NUCB2: variants seen among roughly 807,000 people sequenced by gnomAD.
NUCB2 encodes the protein nucleobindin-2.
NUCB2 carries 48 observed loss-of-function variants against 57.9 expected under a neutral mutation model. The ratio of observed to expected loss-of-function variants is 0.83; its 90% CI spans 0.66 to 1.05. The LOEUF is 1.05. Among genes scored for constraint, NUCB2 ranks in the 50% least tolerant of loss-of-function variants. NUCB2 has a pLI of 0.00. For missense variants in NUCB2, 442 were observed against 476.2 expected (o/e 0.93, Z 0.67); for synonymous variants, 139 against 152.1 (o/e 0.91, Z 0.64).
rs1362783048 is a variant in NUCB2 at position 17,288,552 on chromosome 11, C to CTTTTTTTTTTTTTTTT, written c.-1+5610_-1+5625dup. Among the ~76,000 whole-genome samples, 82 of 101,162 alleles carry CTTTTTTTTTTTTTTTT rather than the reference C, an allele frequency of 8.1e-4. 4 individuals carry two copies. The highest frequency in any genetic ancestry group is 2.0e-3 in the East Asian group (5 of 2,560). 66.4% of individuals were successfully genotyped at this position (101,162 alleles called of 152,430 possible). On this transcript the variant is annotated intron_variant, in intron 2 of 13. Transcript: ENST00000529010. ...TCTTTTTCTTCTTCTTCTTCTTCTT[C>CTTTTTTTTTTTTTTTT]TTTTTTTTTTTTTTTTGAGACAGTC...
Position 17,301,883 on chromosome 11 carries a change from C to T in NUCB2, c.379+13C>T. On this transcript the variant is annotated intron_variant, in intron 5 of 13. Transcript: ENST00000529010. The stretch of plus-strand genomic sequence containing the variant: ...GATTCCCTTCAAGGTAAGTGCTAAA[C>T]AAAAGGTAGGATTTTTTTTTTCTTT... The T allele has an allele frequency of 1.3e-6, 2 of 1,598,292 alleles. No homozygotes were observed. Among genetic ancestry groups the T allele is most frequent in the African/African-American group, 1.4e-5 (1 of 74,072 alleles).
chr11:17,305,323 C>CA (rs751481640), intron 5 of NUCB2, among the ~76,000 whole-genome samples: 10 of 145,592 alleles, frequency 6.9e-5, no homozygotes, highest in South Asian at 2.2e-4. Context: ...GACTGTGTCT[C>CA]AAAAAAAAAG....
Position 17,315,452 on chromosome 11 carries a change from T to C in NUCB2, c.979T>C (p.Phe327Leu), listed in dbSNP as rs755303528. 2 of 1,610,558 alleles carry C rather than the reference T, an allele frequency of 1.2e-6. No homozygotes were observed. Among genetic ancestry groups the C allele is most frequent in the African/African-American group, 2.7e-5 (2 of 74,844 alleles). Reference sequence around the variant, plus strand: ...TTTGAAAGCCACAGAAAAAAAAGAATTCTTGGAGCCAGATAGCTGGGAGGT... The same window carrying C: ...TTTGAAAGCCACAGAAAAAAAAGAACTCTTGGAGCCAGATAGCTGGGAGGT... ...EFLKATEKKEFLEPDSWETLD... is the reference protein window; with the variant it reads ...EFLKATEKKELLEPDSWETLD... Residue 327 changes from phenylalanine to leucine, a missense_variant, in exon 11 of 14, where the codon TTC becomes CTC. By Grantham distance (22) the Phe-to-Leu change is conservative. Coordinates refer to ENST00000529010, the MANE Select transcript of NUCB2 (RefSeq NM_005013.4).
intron 2 of NUCB2, among the ~76,000 whole-genome samples, chr11:17,288,552 CTTT>C (rs1362783048): frequency 1.1e-4 from 11 of 101,182 alleles, no homozygotes; most frequent in African/African-American, 3.5e-4. Flanking sequence ...TCTTCTTCTT[CTTT>C]TTTTTTTTTT....
chr11:17,340,477 T>A (rs1189229989), intron 2 of NUCB2, among the ~76,000 whole-genome samples: 1 of 152,134 alleles, frequency 6.6e-6, no homozygotes, highest in Non-Finnish European at 1.5e-5. Context: ...GTTTTTATGG[T>A]TTTAGGTCTA....
intron 11 of NUCB2, among the ~76,000 whole-genome samples, chr11:17,320,684 T>A (rs1349579969): frequency 1.3e-5 from 2 of 152,128 alleles, no homozygotes; most frequent in African/African-American, 2.4e-5. Context: ...TTTATTGTTA[T>A]TTTTAAGGTG....
intron 11 of NUCB2, among the ~76,000 whole-genome samples, chr11:17,318,412 A>T (rs1489951632): frequency 6.6e-6 from 1 of 152,168 alleles, no homozygotes; most frequent in Admixed American, 6.5e-5. Context: ...ATGGAGGTAT[A>T]TAAACATTTT....
At chr11:17,347,896 CTA>C (rs1952872606) in intron 2 of NUCB2, among the ~76,000 whole-genome samples, 1 of 152,094 alleles carries the variant, frequency 6.6e-6, no homozygotes. Context: ...TGGCTGTTAC[CTA>C]ATGGTGAGAA....
chr11:17,284,074 G>A (rs1469069407), intron 2 of NUCB2, among the ~76,000 whole-genome samples: 3 of 151,890 alleles, frequency 2.0e-5, no homozygotes, highest in Non-Finnish European at 2.9e-5. Context: ...TTTCACCCAC[G>A]CTGGAGTGCA....
At chr11:17,325,624 A>G (rs1950571949) in intron 11 of NUCB2, among the ~76,000 whole-genome samples, 1 of 152,112 alleles carries the variant, frequency 6.6e-6, no homozygotes, top group South Asian at 2.1e-4. Context: ...TTTTTCATCT[A>G]TTCAGATGCT....
intron 5 of NUCB2, among the ~76,000 whole-genome samples, chr11:17,306,208 G>C (rs1947617687): frequency 6.6e-6 from 1 of 152,084 alleles, no homozygotes; most frequent in Non-Finnish European, 1.5e-5. Flanking sequence ...CCATAGGTTG[G>C]TTATCTGGGT....
At chr11:17,298,692 T>A (rs1946233897) in intron 4 of NUCB2, among the ~76,000 whole-genome samples, 1 of 151,656 alleles carries the variant, frequency 6.6e-6, no homozygotes, top group South Asian at 2.1e-4. Flanking sequence ...GTTAGAATTT[T>A]CTCTTTCCTT....
intron 11 of NUCB2, among the ~76,000 whole-genome samples, chr11:17,323,593 T>A (rs1950298550): frequency 6.6e-6 from 1 of 152,208 alleles, no homozygotes; most frequent in African/African-American, 2.4e-5. Context: ...GTCAAATGAG[T>A]TTGGAAGTAT....
chr11:17,288,932 CACACACACACACACACACAT>C lies in NUCB2; in HGVS notation c.-1+5991_-1+6010del, dbSNP rs1489671340. On this transcript the variant is annotated intron_variant, in intron 2 of 13. Transcript: ENST00000529010. ...ACACACACACACACACACACACACACACACACACACACACACACATATATATATATATTTTTTTTTTTTGA... is the reference window on the plus strand; with the variant it reads ...ACACACACACACACACACACACACACATATATATATATTTTTTTTTTTTGA... Among the ~76,000 whole-genome samples the C allele has an allele frequency of 1.7e-3, 147 of 87,246 alleles. 9 individuals are homozygous for C. The highest frequency in any genetic ancestry group is 2.6e-3 in the African/African-American group (35 of 13,424). 57.2% of individuals were successfully genotyped at this position (87,246 alleles called of 152,430 possible).
Position 17,295,385 on chromosome 11 carries a change from C to A in NUCB2, c.62C>A (p.Ala21Asp). The change falls in exon 3 of 14, where the codon GCT becomes GAT. Residue 21 changes from alanine to aspartate, a missense_variant. Coordinates refer to ENST00000529010, the MANE Select transcript of NUCB2 (RefSeq NM_005013.4). The part of the protein sequence containing the change: ...CFLLITCLLT[A>D]LEAVPIDIDK... The stretch of plus-strand genomic sequence containing the variant: ...CTCTTGATTACATGTTTACTTACTG[C>A]TCTTGAAGCTGTGCCTATTGACATA... 6.2e-7 allele frequency: 1 copy of A among 1,613,330 alleles called. No individual in the cohort carries two copies.
At chr11:17,294,471 TA>T (rs1945474910) in intron 2 of NUCB2, among the ~76,000 whole-genome samples, 1 of 152,128 alleles carries the variant, frequency 6.6e-6, no homozygotes, top group South Asian at 2.1e-4. Context: ...ATAAAGATGC[TA>T]AAAAATTGGC....
chr11:17,309,790 A>G, intron 6 of NUCB2, 115 bp downstream of exon 6: 1 of 619,278 alleles, frequency 1.6e-6, no homozygotes, highest in Non-Finnish European at 2.7e-6. Context: ...GAAGTTCTTT[A>G]AAGGAAGGTA....
In NUCB2 at chr11:17,295,371, A is replaced by G; in HGVS notation, c.48A>G (p.Thr16=). ...ILLQYCFLLI[T]CLLTALEAVP... The stretch of plus-strand genomic sequence containing the variant: ...TACAGTATTGCTTTCTCTTGATTAC[A>G]TGTTTACTTACTGCTCTTGAAGCTG... Residue 16 remains threonine (T), a synonymous_variant, in exon 3 of 14, where the codon ACA becomes ACG. Coordinates refer to ENST00000529010, the MANE Select transcript of NUCB2 (RefSeq NM_005013.4). 2 of 1,612,868 alleles carry G rather than the reference A, an allele frequency of 1.2e-6. No individual in the cohort carries two copies. Among genetic ancestry groups the G allele is most frequent in the Non-Finnish European group, 1.7e-6 (2 of 1,179,092 alleles).
chr11:17,308,166 A>G (rs1947971424), intron 5 of NUCB2, among the ~76,000 whole-genome samples: 1 of 152,140 alleles, frequency 6.6e-6, no homozygotes, highest in South Asian at 2.1e-4. Context: ...TGGCATAACA[A>G]TATGTTCCAG....
Sources: allele counts gnomAD v4.1 joint callset (sites outside exome capture counted in the v4.1 genomes callset), GRCh38; gene constraint gnomAD v4.1.1; transcripts MANE v1.5; gene names NCBI Gene and HGNC (gene_info 2026-07-23, HGNC 2026-07-21).